The following BMPR2 variants were observed in gnomAD, a reference collection of about 807,000 sequenced individuals.
BMPR2 encodes bone morphogenetic protein receptor type-2.
BMPR2 carries 29 observed loss-of-function variants against 100.8 expected under a neutral mutation model. That is an observed-to-expected ratio of 0.29 (90% CI 0.21 to 0.39). The LOEUF (loss-of-function observed/expected upper bound fraction) is 0.39. Ranked by LOEUF, BMPR2 falls within the 10% of genes least tolerant of loss-of-function variation. The pLI is 1.00. For missense variants in BMPR2, 1,011 were observed against 1,274.5 expected, an observed-to-expected ratio of 0.79 and a Z score of 3.15; for synonymous variants, 382 against 442.3, an observed-to-expected ratio of 0.86 and a Z score of 1.71.
At position 202,514,894 on chromosome 2, in the gene BMPR2, G is replaced by A. The variant is rs777927015; in HGVS notation, c.536G>A (p.Arg179His). Residue 179 changes from arginine (R) to histidine (H), a missense_variant, in exon 5 of 13, where the codon CGT becomes CAT. Arg to His is a conservative substitution (Grantham distance 29, BLOSUM62 0). Around this residue, in one of 6 missense-constraint regions of BMPR2, gnomAD observed 355 missense variants for 455.3 expected, o/e 0.78. Coordinates refer to ENST00000374580, the MANE Select transcript of BMPR2 (RefSeq NM_001204.7). ...CTGTTTCCTGTTCTTATAGGAGACC[G>A]TAAACAAGGTCTTCACAGTATGAAC... ...CFGYRMLTGD[R>H]KQGLHSMNMM... The A allele has an allele frequency of 1.1e-5, 18 of 1,613,176 alleles. No homozygotes were observed. Among genetic ancestry groups the A allele is most frequent in the Middle Eastern group, 1.6e-4 (1 of 6,082 alleles).
At chr2:202,515,519 C>G (rs1039610976) in intron 5 of BMPR2, among the ~76,000 whole-genome samples, 1 of 149,320 alleles carries the variant, frequency 6.7e-6, no homozygotes, top group South Asian at 2.1e-4. Context: ...TGCGGTGAGC[C>G]GAGATCGCAC....
At chr2:202,456,319 C>G (rs1692103364) in intron 1 of BMPR2, among the ~76,000 whole-genome samples, 1 of 147,500 alleles carries the variant, frequency 6.8e-6, no homozygotes, top group South Asian at 2.2e-4. Flanking sequence ...TTACAGGCGC[C>G]CACCACCACG....
chr2:202,552,666 A>G (rs746588411), intron 10 of BMPR2, 50 bp from the exon 11 acceptor site: 2 of 1,569,274 alleles, frequency 1.3e-6, no homozygotes, highest in Non-Finnish European at 1.8e-6. Flanking sequence ...AAAGCTCAAT[A>G]CATTTTTTTT....
rs1034180906 is a variant in BMPR2 at position 202,436,473 on chromosome 2, C to CA, written c.77-28329dup. Among the ~76,000 whole-genome samples the CA allele has an allele frequency of 1.1e-4, 16 of 150,012 alleles. 1 individual carries two copies. The highest frequency in any genetic ancestry group is 3.5e-4 in the African/African-American group (14 of 39,638). On this transcript the variant is annotated intron_variant, in intron 1 of 12. Transcript: ENST00000374580. Reference sequence around the variant, plus strand: ...GAAAAAAAAACAACAACAGCAGCAACAAAAAAACCCACAAAAACAAAAGCC... The same window carrying CA: ...GAAAAAAAAACAACAACAGCAGCAACAAAAAAAACCCACAAAAACAAAAGCC...
At chr2:202,411,890 C>T (rs1054962731) in intron 1 of BMPR2, among the ~76,000 whole-genome samples, 4 of 152,018 alleles carry the variant, frequency 2.6e-5, no homozygotes, top group South Asian at 4.1e-4. Context: ...CATATTGGAG[C>T]GATCTAAAGA....
chr2:202,451,333 A>C (rs1364818254), intron 1 of BMPR2, among the ~76,000 whole-genome samples: 1 of 152,198 alleles, frequency 6.6e-6, no homozygotes, highest in African/African-American at 2.4e-5. Context: ...ATGTTGTCCT[A>C]TTCAGCTCTA....
Position 202,495,499 on chromosome 2 carries a change from G to A in BMPR2, c.419-18220G>A, listed in dbSNP as rs6751565. On this transcript the variant is annotated intron_variant, in intron 3 of 12. Transcript: ENST00000374580. The surrounding 1 kb of genome is among the most constrained non-coding windows in gnomAD (Gnocchi z 4.5). ...GATGTGCTCCTCTTTACGTCTGGCC[G>A]CCTGTGTGTCTGCCTGCTAGGGTCT... Among the ~76,000 whole-genome samples the A allele has an allele frequency of 1.1e-4, 17 of 152,118 alleles. No homozygotes were observed. The highest frequency in any genetic ancestry group is 2.4e-4 in the Non-Finnish European group (16 of 68,036).
chr2:202,393,242 T>TA (rs1159568669), intron 1 of BMPR2, among the ~76,000 whole-genome samples: 1 of 152,148 alleles, frequency 6.6e-6, no homozygotes, highest in Non-Finnish European at 1.5e-5. Context: ...AAGGTTAGAA[T>TA]AATGGTAGCA....
intron 10 of BMPR2, among the ~76,000 whole-genome samples, chr2:202,542,855 C>T (rs562467184): frequency 4.6e-5 from 7 of 152,150 alleles, no homozygotes; most frequent in African/African-American, 7.2e-5. Flanking sequence ...AAAACCAAGG[C>T]GCAGCCTATG....
At chr2:202,445,419 G>A (rs1253625820) in intron 1 of BMPR2, among the ~76,000 whole-genome samples, 1 of 149,704 alleles carries the variant, frequency 6.7e-6, no homozygotes, top group Non-Finnish European at 1.5e-5. Flanking sequence ...TAGAGACAGG[G>A]TTTCACCATG....
intron 3 of BMPR2, among the ~76,000 whole-genome samples, chr2:202,498,815 A>G (rs1693099172): frequency 1.3e-5 from 2 of 152,070 alleles, no homozygotes; most frequent in African/African-American, 4.8e-5. Context: ...TTACAATACT[A>G]TCCTGCAGCT....
intron 1 of BMPR2, among the ~76,000 whole-genome samples, chr2:202,426,799 C>T (rs995302667): frequency 6.6e-6 from 1 of 152,044 alleles, no homozygotes; most frequent in African/African-American, 2.4e-5. Flanking sequence ...GAAGGAGTGA[C>T]TGAGCGTGGG....
At chr2:202,405,749 A>G (rs919928131) in intron 1 of BMPR2, among the ~76,000 whole-genome samples, 26 of 151,358 alleles carry the variant, frequency 1.7e-4, no homozygotes, top group South Asian at 1.0e-3. Flanking sequence ...TAAAATATAT[A>G]CCTTTTTTCT....
At chr2:202,393,934 A>AGAGAGAGAGAGAGAGAGAGC (rs60100855) in intron 1 of BMPR2, among the ~76,000 whole-genome samples, 1 of 119,418 alleles carries the variant, frequency 8.4e-6, no homozygotes, top group Non-Finnish European at 1.8e-5. Context: ...AGAGAGAGAG[A>AGAGAGAGAGAGAGAGAGAGC]TTCCTGTGAG....
At chr2:202,502,963 A>C (rs1329967546) in intron 3 of BMPR2, among the ~76,000 whole-genome samples, 1 of 152,126 alleles carries the variant, frequency 6.6e-6, no homozygotes, top group Non-Finnish European at 1.5e-5. Context: ...TTTCCTCTAG[A>C]ATCGAGGCCA....
At chr2:202,464,526 A>T (rs1375219336) in intron 1 of BMPR2, among the ~76,000 whole-genome samples, 2 of 152,174 alleles carry the variant, frequency 1.3e-5, no homozygotes, top group Admixed American at 1.3e-4. Flanking sequence ...TTATTTGGAC[A>T]CCAAAATTAT....
In BMPR2 at chr2:202,464,864, T is replaced by C; in HGVS notation, c.132T>C (p.Leu44=). The C allele has an allele frequency of 6.2e-7, 1 of 1,614,036 alleles. No individual in the cohort carries two copies. The highest frequency in any genetic ancestry group is 8.5e-7 in the Non-Finnish European group (1 of 1,179,962). ...TTAAAGATCCGTATCAGCAAGACCT[T>C]GGGATAGGTGAGAGTAGAATCTCTC... is the stretch of plus-strand genomic sequence containing the variant. ...CAFKDPYQQD[L]GIGESRISHE... Residue 44 remains leucine, a synonymous_variant, in exon 2 of 13, where the codon CTT becomes CTC. Coordinates refer to ENST00000374580, the MANE Select transcript of BMPR2 (RefSeq NM_001204.7).
At chr2:202,391,102 G>A (rs952554951) in intron 1 of BMPR2, among the ~76,000 whole-genome samples, 1 of 141,536 alleles carries the variant, frequency 7.1e-6, no homozygotes, top group South Asian at 2.4e-4. Flanking sequence ...TCAGGCTCCC[G>A]AGCAGCTGGG....
intron 2 of BMPR2, chr2:202,467,140 G>A (rs1271716583): frequency 1.3e-5 from 4 of 298,702 alleles, no homozygotes; most frequent in Non-Finnish European, 2.6e-5. Context: ...GCACATGCCT[G>A]TAATCCCAGC....
Sources: gnomAD v4.1 joint callset for allele counts (sites outside exome capture counted in the v4.1 genomes callset) on GRCh38, gnomAD v4.1.1 for gene constraint, gnomAD v4.1.1 regional missense constraint, Gnocchi (gnomAD v3.1) non-coding constraint, MANE v1.5 for transcripts, NCBI Gene and HGNC (gene_info 2026-07-23, HGNC 2026-07-21) for gene names.